SMURF1: variants seen among roughly 807,000 people sequenced by gnomAD.
The protein encoded by SMURF1 is E3 ubiquitin-protein ligase SMURF1.
Under a neutral mutation model 98.0 loss-of-function variants are expected in SMURF1, and 44 were observed. That is an observed-to-expected ratio of 0.45 (90% CI 0.35 to 0.58). SMURF1 has a LOEUF of 0.58. SMURF1 is among the 20% of genes least tolerant of loss of function. SMURF1 has a pLI of 0.00. For synonymous variants in SMURF1, 396 were observed against 374.9 expected, an observed-to-expected ratio of 1.06 and a Z score of -0.65; for missense variants, 687 against 938.4, an observed-to-expected ratio of 0.73 and a Z score of 3.50.
At chr7:99,133,127 C>G (rs1386005027) in intron 1 of SMURF1, among the ~76,000 whole-genome samples, 1 of 152,270 alleles carries the variant, frequency 6.6e-6, no homozygotes, top group East Asian at 1.9e-4. Flanking sequence ...CCCACCCACA[C>G]GCAGTGCACG....
chr7:99,039,568 C>T (rs2150506317), intron 13 of SMURF1, among the ~76,000 whole-genome samples: 1 of 152,258 alleles, frequency 6.6e-6, no homozygotes, highest in South Asian at 2.1e-4. Flanking sequence ...AGGTTGGTCT[C>T]AAACTCCAAC....
intron 1 of SMURF1, among the ~76,000 whole-genome samples, chr7:99,108,560 C>A (rs1257896934): frequency 8.5e-6 from 1 of 118,104 alleles, no homozygotes; most frequent in Non-Finnish European, 1.6e-5. Context: ...TGCAGTGAGC[C>A]AAGATCGCAC....
intron 1 of SMURF1, among the ~76,000 whole-genome samples, chr7:99,098,588 C>T (rs1042025350): frequency 6.6e-6 from 1 of 152,178 alleles, no homozygotes; most frequent in Admixed American, 6.5e-5. Context: ...ATTCACAAGC[C>T]CTCTGCTTGG....
intron 1 of SMURF1, among the ~76,000 whole-genome samples, chr7:99,094,802 G>A (rs776009225): frequency 1.3e-5 from 2 of 152,192 alleles, no homozygotes; most frequent in Non-Finnish European, 2.9e-5. Context: ...AAGCAGTTTT[G>A]CAGTTTCATG....
At position 99,047,888 on chromosome 7, in the gene SMURF1, GAAGAA is replaced by G; in HGVS notation, c.954-11_954-7del. ...CCTTGAGTTGGCACTGGTGACTTGA[GAAGAA>G]GAGATGCAGAAAGTCACTCCGAAGC... On this transcript the variant is annotated splice_region_variant and splice_polypyrimidine_tract_variant and intron_variant, in intron 9 of 17. Transcript: ENST00000361368. 6.2e-7 allele frequency: 1 copy of G among 1,613,110 alleles called. No homozygotes were observed. Among genetic ancestry groups the G allele is most frequent in the Non-Finnish European group, 8.5e-7 (1 of 1,179,982 alleles).
rs1275659016 is a variant in SMURF1 at position 99,029,320 on chromosome 7, C to CT, written c.*1263dup. On this transcript the variant is annotated 3_prime_UTR_variant, in exon 18 of 18. Transcript: ENST00000361368. The stretch of plus-strand genomic sequence containing the variant: ...AGTTCAGCTATTGGAAATCAAGCCA[C>CT]TTTAAGATAAAATACTGACTTTTGT... 1 of 152,608 alleles carries CT rather than the reference C, an allele frequency of 6.6e-6. No homozygotes were observed. Among genetic ancestry groups the CT allele is most frequent in the Non-Finnish European group, 1.5e-5 (1 of 68,050 alleles). The allele number at this position is 152,608 out of a possible 1,614,324, so 9.5% of individuals were successfully genotyped here.
chr7:99,049,232 G>GT (rs1563004736), intron 9 of SMURF1: 1 of 273,792 alleles, frequency 3.7e-6, no homozygotes, highest in African/African-American at 2.2e-5. Context: ...GGGATAGCAC[G>GT]TATCTCTACT....
chr7:99,059,347 G>A (rs538497521), intron 3 of SMURF1, among the ~76,000 whole-genome samples: 2 of 132,276 alleles, frequency 1.5e-5, no homozygotes, highest in East Asian at 2.3e-4. Context: ...GCAGTGAGCC[G>A]AGATCCCGCC....
Position 99,028,038 on chromosome 7 carries a change from C to CTGAG in SMURF1, c.*2542_*2545dup, listed in dbSNP as rs892635999. On this transcript the variant is annotated 3_prime_UTR_variant, in exon 18 of 18. Transcript: ENST00000361368. ...TGGCGGAGTGGTGTTAGCTACATCC[C>CTGAG]TGAGTGTCGGCTGACGGCCGCTGGT... 6.5e-6 allele frequency: 1 copy of CTGAG among 152,672 alleles called. No individual in the cohort carries two copies. Among genetic ancestry groups the CTGAG allele is most frequent in the Admixed American group, 6.5e-5 (1 of 15,282 alleles). 9.5% of individuals were successfully genotyped at this position (152,672 alleles called of 1,614,324 possible).
In SMURF1 at chr7:99,047,738, C is replaced by T. The variant is rs778310796; in HGVS notation, c.1098G>A (p.Gln366=). Residue 366 remains glutamine (Q), a synonymous_variant, in exon 10 of 18, where the codon CAG becomes CAA. Transcript: ENST00000361368. ...TGCGGCAATGACCAGCTTGGGGCTGCTGAAGCGACAGTTCGTGTCTGAGGA... is the reference window on the plus strand; with the variant it reads ...TGCGGCAATGACCAGCTTGGGGCTGTTGAAGCGACAGTTCGTGTCTGAGGA... ...LKVLRHELSL[Q]QPQAGHCRIE... 1.2e-6 allele frequency: 2 copies of T among 1,614,230 alleles called. No individual in the cohort carries two copies. The highest frequency in any genetic ancestry group is 1.7e-6 in the Non-Finnish European group (2 of 1,180,044).
At chr7:99,053,091 T>G (rs1158863292) in intron 6 of SMURF1, among the ~76,000 whole-genome samples, 67 of 152,062 alleles carry the variant, frequency 4.4e-4, no homozygotes, top group Non-Finnish European at 2.9e-5. Flanking sequence ...AATACTCCAT[T>G]TTCCTTGTTA....
rs1302817977 is a variant in SMURF1, at chr7:99,027,558, A to G, written c.*3026T>C. 6.6e-6 allele frequency: 1 copy of G among 152,658 alleles called. No homozygotes were observed. The highest frequency in any genetic ancestry group is 1.5e-5 in the Non-Finnish European group (1 of 68,044). The allele number at this position is 152,658 out of a possible 1,614,324, so 9.5% of individuals were successfully genotyped here. A position where few individuals can be genotyped will look rare whatever the true frequency, so the allele number is the denominator to read the frequency against. The stretch of plus-strand genomic sequence containing the variant: ...TGGTTCCATAACCACATTAAATAGA[A>G]CTAGTATTTCATTAAATACTTTTGA... On this transcript the variant is annotated 3_prime_UTR_variant, in exon 18 of 18. Transcript: ENST00000361368.
At chr7:99,035,849 G>A (rs536631087) in intron 15 of SMURF1, 133 bp from the exon 16 acceptor site, 23 of 818,790 alleles carry the variant, frequency 2.8e-5, no homozygotes, top group South Asian at 2.6e-4. Context: ...CTAGGCAGAT[G>A]TTGAGACAGG....
chr7:99,050,919 G>T (rs1795736284), intron 8 of SMURF1: 2 of 1,549,542 alleles, frequency 1.3e-6, no homozygotes, highest in East Asian at 2.4e-5. Context: ...TCTAACCTGG[G>T]CTCAGATGTA....
chr7:99,037,193 A>AG lies in SMURF1; in HGVS notation c.1689-7dup. The AG allele has an allele frequency of 6.2e-7, 1 of 1,614,010 alleles. No individual in the cohort carries two copies. Among genetic ancestry groups the AG allele is most frequent in the Non-Finnish European group, 8.5e-7 (1 of 1,180,010 alleles). ...ACCTCCAGTTTACATACAACCTGGA[A>AG]GAAAAACTCGCAAGTTGGATGCAAC... On this transcript the variant is annotated splice_region_variant and splice_polypyrimidine_tract_variant and intron_variant, in intron 14 of 17. Coordinates refer to ENST00000361368, the MANE Select transcript of SMURF1 (RefSeq NM_181349.3).
chr7:99,032,967 A>C (rs1019238835), intron 17 of SMURF1, 70 bp downstream of exon 17: 150 of 1,532,352 alleles, frequency 9.8e-5, no homozygotes, highest in African/African-American at 3.0e-4. Context: ...AAAACAACAA[A>C]AAAAAAACGT....
Position 99,143,879 on chromosome 7 carries a change from G to T in SMURF1, c.-99C>A. On this transcript the variant is annotated 5_prime_UTR_variant, in exon 1 of 18. Coordinates refer to ENST00000361368, the MANE Select transcript of SMURF1 (RefSeq NM_181349.3). ...CGCCGCCTCAAGGTTACGGCTCCGG[G>T]CTGGGCGCCGGGGTCCGAGCCGGGA... 1.8e-6 allele frequency: 2 copies of T among 1,137,152 alleles called. No individual in the cohort carries two copies. Among genetic ancestry groups the T allele is most frequent in the Non-Finnish European group, 2.3e-6 (2 of 858,146 alleles). The allele number at this position is 1,137,152 out of a possible 1,614,324, so 70.4% of individuals were successfully genotyped here. A position where few individuals can be genotyped will look rare whatever the true frequency, so the allele number is the denominator to read the frequency against.
intron 1 of SMURF1, among the ~76,000 whole-genome samples, chr7:99,123,156 C>T (rs1338499558): frequency 6.6e-6 from 1 of 151,682 alleles, no homozygotes; most frequent in Admixed American, 6.6e-5. Context: ...AATATATATG[C>T]AATACATAAT....
intron 1 of SMURF1, among the ~76,000 whole-genome samples, chr7:99,098,656 G>A (rs775179794): frequency 3.3e-5 from 5 of 152,094 alleles, no homozygotes; most frequent in Admixed American, 3.3e-4. Context: ...ACTGAGAAAT[G>A]TCACCAAACA....
Sources: allele counts gnomAD v4.1 joint callset (sites outside exome capture counted in the v4.1 genomes callset), GRCh38; gene constraint gnomAD v4.1.1; transcripts MANE v1.5; gene names NCBI Gene and HGNC (gene_info 2026-07-23, HGNC 2026-07-21).